The following TAFA1 variants were observed in gnomAD, a reference collection of about 807,000 sequenced individuals.
The protein encoded by TAFA1 is TAFA chemokine like family member 1, also known as chemokine-like protein TAFA-1.
In TAFA1, 4 loss-of-function variants were observed where a neutral mutation model predicts 18.5. The ratio of observed to expected loss-of-function variants is 0.22; its 90% confidence interval spans 0.11 to 0.49. The LOEUF (loss-of-function observed/expected upper bound fraction) is 0.49. TAFA1 is among the 20% of genes least tolerant of loss of function. The pLI, the probability that TAFA1 is intolerant of heterozygous loss-of-function variation, is 0.98. For missense variants in TAFA1, 147 were observed against 169.0 expected (o/e 0.87, Z 0.72); for synonymous variants, 56 against 55.2 (o/e 1.01, Z -0.06).
At chr3:68,532,592 A>G (rs1392850978) in intron 3 of TAFA1, among the ~76,000 whole-genome samples, 1 of 152,094 alleles carries the variant, frequency 6.6e-6, no homozygotes, top group Non-Finnish European at 1.5e-5. Context: ...CTCAAAATAT[A>G]CCAAAGAAGT....
intron 2 of TAFA1, among the ~76,000 whole-genome samples, chr3:68,070,109 T>C (rs1234597333): frequency 6.6e-6 from 1 of 152,212 alleles, no homozygotes; most frequent in East Asian, 1.9e-4. Context: ...GTGTGGGGGC[T>C]CTAATCCTAC....
chr3:68,076,281 C>CTTT (rs57929396), intron 2 of TAFA1, among the ~76,000 whole-genome samples: 2,575 of 147,518 alleles, frequency 0.017, 84 homozygotes, highest in African/African-American at 0.06. Flanking sequence ...GTTCCTACTT[C>CTTT]TTTTTTTTTT....
chr3:68,463,618 T>G (rs2071826648), intron 3 of TAFA1, among the ~76,000 whole-genome samples: 1 of 152,170 alleles, frequency 6.6e-6, no homozygotes, highest in East Asian at 1.9e-4. Context: ...CCATGTCCTG[T>G]GTTCCAAATT....
intron 2 of TAFA1, among the ~76,000 whole-genome samples, chr3:68,137,984 A>T (rs866170470): frequency 2.5e-4 from 5 of 20,342 alleles, no homozygotes; most frequent in East Asian, 7.4e-4. Context: ...CTACTATTTA[A>T]AAAAAAAAAA....
chr3:68,144,025 G>T (rs2065704570), intron 2 of TAFA1, among the ~76,000 whole-genome samples: 1 of 150,144 alleles, frequency 6.7e-6, no homozygotes, highest in Non-Finnish European at 1.5e-5. Context: ...TTGTTTTTGA[G>T]AAAACTTGGC....
At chr3:68,512,902 C>CCATCTCCACCTTTGTA (rs2072870846) in intron 3 of TAFA1, among the ~76,000 whole-genome samples, 2 of 152,042 alleles carry the variant, frequency 1.3e-5, no homozygotes, top group African/African-American at 4.8e-5. Context: ...AGAACTTTGT[C>CCATCTCCACCTTTGTA]CATCTCCACC....
intron 2 of TAFA1, among the ~76,000 whole-genome samples, chr3:68,165,075 A>G (rs1386812168): frequency 6.6e-6 from 1 of 152,204 alleles, no homozygotes; most frequent in African/African-American, 2.4e-5. Flanking sequence ...AGGCCAAGGG[A>G]CAGCAACCCA....
At chr3:68,495,986 C>A (rs1381688393) in intron 3 of TAFA1, among the ~76,000 whole-genome samples, 1 of 134,488 alleles carries the variant, frequency 7.4e-6, no homozygotes, top group Non-Finnish European at 1.5e-5. Flanking sequence ...AGTGAACCTT[C>A]TTTCCCTGAA....
chr3:68,001,579 GT>G (rs79820862), upstream of TAFA1, among the ~76,000 whole-genome samples: 1,662 of 135,630 alleles, frequency 0.012, 23 homozygotes, highest in African/African-American at 0.037. Context: ...TGTTGTTGTT[GT>G]TTTTTTTTTT....
At chr3:68,323,202 T>G (rs2068720899) in intron 2 of TAFA1, among the ~76,000 whole-genome samples, 1 of 152,180 alleles carries the variant, frequency 6.6e-6, no homozygotes, top group South Asian at 2.1e-4. Flanking sequence ...CCAGGCGAAC[T>G]AAACATATTC....
At chr3:68,022,527 T>C (rs992408376) in intron 2 of TAFA1, among the ~76,000 whole-genome samples, 1 of 151,964 alleles carries the variant, frequency 6.6e-6, no homozygotes, top group Non-Finnish European at 1.5e-5. Context: ...CAGTGAAAAG[T>C]AGTGCTTCAA....
intron 2 of TAFA1, among the ~76,000 whole-genome samples, chr3:68,311,630 C>T (rs945546204): frequency 1.2e-4 from 19 of 152,262 alleles, no homozygotes; most frequent in Non-Finnish European, 2.6e-4. Flanking sequence ...ATTCAGGTCA[C>T]ACTGATGCAA....
chr3:68,398,813 A>T (rs554531233), intron 2 of TAFA1, among the ~76,000 whole-genome samples: 1 of 152,308 alleles, frequency 6.6e-6, no homozygotes, highest in South Asian at 2.1e-4. Context: ...TTGACATCTA[A>T]TCAAAGAAGA....
intron 2 of TAFA1, among the ~76,000 whole-genome samples, chr3:68,259,339 T>C (rs879560213): frequency 6.6e-6 from 1 of 152,170 alleles, no homozygotes; most frequent in Non-Finnish European, 1.5e-5. Flanking sequence ...GGATTTAGTT[T>C]TAACTGAGAT....
At chr3:68,057,266 G>T (rs999093221) in intron 2 of TAFA1, among the ~76,000 whole-genome samples, 27 of 152,168 alleles carry the variant, frequency 1.8e-4, no homozygotes, top group African/African-American at 6.5e-4. Context: ...AGTTATCTAT[G>T]TTATGGGGCC....
rs979495367 is a variant in TAFA1 at position 68,100,557 on chromosome 3, C to T, written c.118+93813C>T. Reference sequence around the variant, plus strand: ...TAGTGTCTGATACTGCTTGTCAATACGTCTTTCATGCATGTTTAGACTCCA... The same window carrying T: ...TAGTGTCTGATACTGCTTGTCAATATGTCTTTCATGCATGTTTAGACTCCA... On this transcript the variant is annotated intron_variant, in intron 2 of 4. Transcript: ENST00000478136. Among the ~76,000 whole-genome samples the T allele has an allele frequency of 7.2e-5, 11 of 152,136 alleles. 1 individual carries two copies. The highest frequency in any genetic ancestry group is 2.1e-4 in the South Asian group (1 of 4,828).
intron 2 of TAFA1, among the ~76,000 whole-genome samples, chr3:68,080,011 T>C (rs1399803985): frequency 6.6e-6 from 1 of 152,022 alleles, no homozygotes; most frequent in Admixed American, 6.6e-5. Context: ...ATTGGGTGCA[T>C]ATATATTTAG....
At chr3:68,313,475 C>T (rs140552205) in intron 2 of TAFA1, among the ~76,000 whole-genome samples, 1 of 152,158 alleles carries the variant, frequency 6.6e-6, no homozygotes, top group African/African-American at 2.4e-5. Flanking sequence ...TGAAAATTGT[C>T]CAAATGTGCT....
intron 2 of TAFA1, among the ~76,000 whole-genome samples, chr3:68,358,108 A>G (rs1412937985): frequency 6.6e-6 from 1 of 151,970 alleles, no homozygotes; most frequent in Non-Finnish European, 1.5e-5. Flanking sequence ...TTATAGCAAT[A>G]AAGCTAAAAG....
Sources: allele counts gnomAD v4.1 joint callset (sites outside exome capture counted in the v4.1 genomes callset), GRCh38; gene constraint gnomAD v4.1.1; transcripts MANE v1.5; gene names NCBI Gene and HGNC (gene_info 2026-07-23, HGNC 2026-07-21).